The following ABHD14B variants were observed in gnomAD, a reference collection of about 807,000 sequenced individuals.
ABHD14B encodes putative protein-lysine deacylase ABHD14B.
In ABHD14B, 19 loss-of-function variants were observed where a neutral mutation model predicts 15.4. That is an observed-to-expected ratio of 1.23 (90% CI 0.86 to 1.81). The LOEUF is 1.81. Among genes scored for constraint, ABHD14B ranks in the 40% most tolerant of loss-of-function variants. The probability of loss-of-function intolerance (pLI) is 0.00; values close to 1 mark genes in which losing one functional copy is unlikely to be tolerated. For synonymous variants in ABHD14B, 92 were observed against 117.3 expected, an observed-to-expected ratio of 0.78 and a Z score of 1.39; for missense variants, 243 against 267.0, an observed-to-expected ratio of 0.91 and a Z score of 0.63.
chr3:51,969,117 G>C lies in ABHD14B; in HGVS notation c.*309C>G, dbSNP rs770547007. ...GTGGGTGGGAGGGAAAGGCTGGGCA[G>C]AGCAGGGGAAGGAGTGAAAGCCAGG... On this transcript the variant is annotated 3_prime_UTR_variant, in exon 4 of 4. Coordinates refer to ENST00000361143, the MANE Select transcript of ABHD14B (RefSeq NM_001146314.2). 39 of 262,558 alleles carry C rather than the reference G, an allele frequency of 1.5e-4. No homozygotes were observed. Among genetic ancestry groups the C allele is most frequent in the Middle Eastern group, 1.2e-3 (1 of 854 alleles). The allele number at this position is 262,558 out of a possible 1,614,324, so 16.3% of individuals were successfully genotyped here. A position where few individuals can be genotyped will look rare whatever the true frequency, so the allele number is the denominator to read the frequency against.
chr3:51,973,890 G>C, intron 1 of ABHD14B, 75 bp downstream of exon 1: 1 of 1,289,840 alleles, frequency 7.8e-7, no homozygotes, highest in Non-Finnish European at 1.0e-6. Flanking sequence ...AGGGATCCGA[G>C]AAAGGAAGAC....
In ABHD14B at chr3:51,969,708, G is replaced by GGA. The variant is rs563576510; in HGVS notation, c.454-105_454-104dup. On this transcript the variant is annotated intron_variant, in intron 3 of 3. Transcript: ENST00000361143. The stretch of plus-strand genomic sequence containing the variant: ...TCTTCCTGGGACCACCCCATATGAG[G>GGA]GAGAGAGACAAGCTGGCCCAGTGGG... 8.0e-3 allele frequency: 11,710 copies of GGA among 1,472,392 alleles called. 79 individuals are homozygous for GGA. The highest frequency in any genetic ancestry group is 9.3e-3 in the Non-Finnish European group (9,973 of 1,076,734). 91.2% of individuals were successfully genotyped at this position (1,472,392 alleles called of 1,614,324 possible).
chr3:51,970,975 C>T (rs1030333041), intron 2 of ABHD14B, among the ~76,000 whole-genome samples: 8 of 152,364 alleles, frequency 5.3e-5, no homozygotes, highest in African/African-American at 1.7e-4. Context: ...GGCCACCCAC[C>T]AGGCCCTGCC....
chr3:51,969,202 TC>T lies in ABHD14B; in HGVS notation c.*223del. 2.0e-6 allele frequency: 1 copy of T among 491,490 alleles called. No individual in the cohort carries two copies. The highest frequency in any genetic ancestry group is 3.8e-5 in the Admixed American group (1 of 26,080). The allele number at this position is 491,490 out of a possible 1,614,324, so 30.4% of individuals were successfully genotyped here. ...TGGATTACCCTCCACAGGATTATGT[TC>T]CTTGATTCCTGAGAGTTTTTTCTCT... On this transcript the variant is annotated 3_prime_UTR_variant, in exon 4 of 4. Coordinates refer to ENST00000361143, the MANE Select transcript of ABHD14B (RefSeq NM_001146314.2).
Position 51,970,168 on chromosome 3 carries a change from C to A in ABHD14B, c.228G>T (p.Lys76Asn). ...CAATAGGGGCAGGGGCTGCTGCTTC[C>A]TTGGAGTGCCCCAGACCTGCAGGGA... The part of the protein sequence containing the change: ...AIDLPGLGHS[K>N]EAAAPAPIGE... Residue 76 changes from lysine to asparagine, a missense_variant, in exon 3 of 4, where the codon AAG becomes AAT. Physicochemically the swap from Lys to Asn is moderately conservative, Grantham distance 94. Coordinates refer to ENST00000361143, the MANE Select transcript of ABHD14B (RefSeq NM_001146314.2). The A allele has an allele frequency of 3.3e-6, 5 of 1,535,846 alleles. No individual in the cohort carries two copies. The South Asian group carries it at 6.5e-5, about 20-fold the overall frequency.
chr3:51,970,023 C>T lies in ABHD14B; in HGVS notation c.373G>A (p.Gly125Ser). Residue 125 changes from glycine to serine, a missense_variant, in exon 3 of 4, where the codon GGC becomes AGC. Transcript: ENST00000361143. ...MYSLPFLTAP[G>S]SQLPGFVPVA... ...GGCACAAAGCCCGGGAGCTGGGAGC[C>T]AGGGGCCGTGAGGAAGGGCAGGGAG... 6.2e-7 allele frequency: 1 copy of T among 1,614,130 alleles called. No homozygotes were observed. Among genetic ancestry groups the T allele is most frequent in the Non-Finnish European group, 8.5e-7 (1 of 1,180,006 alleles).
intron 3 of ABHD14B, 74 bp downstream of exon 3, chr3:51,969,869 C>T (rs1359447982): frequency 1.2e-6 from 2 of 1,612,348 alleles, no homozygotes; most frequent in African/African-American, 1.3e-5. Flanking sequence ...ATCCAGCCCC[C>T]AGATGAGGAA....
chr3:51,969,464 G>T lies in ABHD14B; in HGVS notation c.595C>A (p.His199Asn), dbSNP rs1253691699. ...PCYLDKPEEW[H>N]TGLLDFLQGL... ...TGCAGGAAGTCCAGCAGCCCTGTATGCCACTCCTCTGGTTTGTCCAGGTAA... is the reference window on the plus strand; with the variant it reads ...TGCAGGAAGTCCAGCAGCCCTGTATTCCACTCCTCTGGTTTGTCCAGGTAA... Residue 199 changes from histidine (H) to asparagine (N), a missense_variant, in exon 4 of 4, where the codon CAT becomes AAT. Transcript: ENST00000361143. 1 of 1,613,746 alleles carries T rather than the reference G, an allele frequency of 6.2e-7. No individual in the cohort carries two copies. The highest frequency in any genetic ancestry group is 8.5e-7 in the Non-Finnish European group (1 of 1,179,932).
chr3:51,973,357 T>C (rs1206516153), intron 1 of ABHD14B, among the ~76,000 whole-genome samples: 1 of 150,530 alleles, frequency 6.6e-6, no homozygotes, highest in Non-Finnish European at 1.5e-5. Context: ...GCCTAATTTT[T>C]ATATTTTTAG....
At position 51,973,998 on chromosome 3, in the gene ABHD14B, GC is replaced by G. The variant is rs1240743289; in HGVS notation, c.-63del. On this transcript the variant is annotated 5_prime_UTR_variant, in exon 1 of 4. Transcript: ENST00000361143. ...CTGCGTGGACTCGCGCAGACGGGAA[GC>G]AGGCGCGTGCTGGCGGTGACCTGGG... 2 of 1,289,268 alleles carry G rather than the reference GC, an allele frequency of 1.6e-6. No homozygotes were observed. Among genetic ancestry groups the G allele is most frequent in the South Asian group, 2.5e-5 (2 of 81,000 alleles). 79.9% of individuals were successfully genotyped at this position (1,289,268 alleles called of 1,614,324 possible).
chr3:51,971,738 C>A, intron 1 of ABHD14B, 40 bp from the exon 2 acceptor site: 1 of 1,568,532 alleles, frequency 6.4e-7, no homozygotes. Flanking sequence ...CCACAGAACA[C>A]CCTGCCCAGG....
In ABHD14B at chr3:51,970,066, T is replaced by C. The variant is rs1559771338; in HGVS notation, c.330A>G (p.Pro110=). Residue 110 remains proline, a synonymous_variant, in exon 3 of 4, where the codon CCA becomes CCG. Transcript: ENST00000361143. ...GCAGGGAGTACATGCCACTCAGTGA[T>C]GGACTGATCACAACCGGGGGGCCCA... The part of the protein sequence containing the change: ...LELGPPVVIS[P]SLSGMYSLPF... 6.2e-7 allele frequency: 1 copy of C among 1,613,010 alleles called. No homozygotes were observed. Among genetic ancestry groups the C allele is most frequent in the Non-Finnish European group, 8.5e-7 (1 of 1,179,330 alleles).
At chr3:51,973,837 G>A in intron 1 of ABHD14B, 128 bp downstream of exon 1, 1 of 1,289,640 alleles carries the variant, frequency 7.8e-7, no homozygotes, top group South Asian at 1.2e-5. Context: ...CTCTGGAAGG[G>A]AGCACCGGGA....
At chr3:51,970,474 A>G (rs760770243) in intron 2 of ABHD14B, 20 of 606,372 alleles carry the variant, frequency 3.3e-5, no homozygotes, top group Non-Finnish European at 5.8e-5. Context: ...TTCTGCATTT[A>G]TTGTCTATGT....
At chr3:51,969,708 GGA>G in intron 3 of ABHD14B, 103 bp from the exon 4 acceptor site, 1 of 1,472,432 alleles carries the variant, frequency 6.8e-7, no homozygotes, top group Non-Finnish European at 9.3e-7. Context: ...CCCATATGAG[GGA>G]GAGAGACAAG....
chr3:51,968,522 G>A lies in ABHD14B; in HGVS notation c.*904C>T, dbSNP rs898084189. ...AAGCAGGAGCCGGTGGGGTCTAATT[G>A]CATCACTTTATTTCACCGACCTCCA... On this transcript the variant is annotated 3_prime_UTR_variant, in exon 4 of 4. Transcript: ENST00000361143. 2.0e-5 allele frequency: 3 copies of A among 152,182 alleles called. No individual in the cohort carries two copies. The highest frequency in any genetic ancestry group is 2.0e-4 in the Admixed American group (3 of 15,288). The allele number at this position is 152,182 out of a possible 1,614,324, so 9.4% of individuals were successfully genotyped here.
chr3:51,974,572 G>A (rs1397339424), upstream of ABHD14B: 1 of 165,204 alleles, frequency 6.1e-6, no homozygotes, highest in African/African-American at 2.4e-5. Context: ...CGGAGCCTTG[G>A]GCTGGGACAG....
Position 51,969,053 on chromosome 3 carries a change from G to A in ABHD14B, c.*373C>T. On this transcript the variant is annotated 3_prime_UTR_variant, in exon 4 of 4. Coordinates refer to ENST00000361143, the MANE Select transcript of ABHD14B (RefSeq NM_001146314.2). ...TAAGGAGGTGGGGAAGTGGGTGTTGGGGTAAGGGCTGGCCTTCAGGGCATT... is the reference window on the plus strand; with the variant it reads ...TAAGGAGGTGGGGAAGTGGGTGTTGAGGTAAGGGCTGGCCTTCAGGGCATT... The A allele has an allele frequency of 5.1e-6, 1 of 196,446 alleles. No homozygotes were observed. Among genetic ancestry groups the A allele is most frequent in the South Asian group, 1.1e-4 (1 of 8,946 alleles). 12.2% of individuals were successfully genotyped at this position (196,446 alleles called of 1,614,324 possible). A position where few individuals can be genotyped will look rare whatever the true frequency, so the allele number is the denominator to read the frequency against.
intron 2 of ABHD14B, 95 bp downstream of exon 2, chr3:51,971,365 C>T (rs1011143022): frequency 6.5e-6 from 9 of 1,378,388 alleles, no homozygotes; most frequent in Non-Finnish European, 8.6e-6. Flanking sequence ...CCGCCCCCAC[C>T]CCTGGAGTGG....
Sources: gnomAD v4.1 joint callset for allele counts (sites outside exome capture counted in the v4.1 genomes callset) on GRCh38, gnomAD v4.1.1 for gene constraint, MANE v1.5 for transcripts, NCBI Gene and HGNC (gene_info 2026-07-23, HGNC 2026-07-21) for gene names.